AP4E1: variants seen among roughly 807,000 people sequenced by gnomAD.
AP4E1 encodes AP-4 complex subunit epsilon-1.
Under a neutral mutation model 128.2 loss-of-function variants are expected in AP4E1, and 56 were observed. The observed-to-expected ratio is 0.44, with a 90% CI of 0.35 to 0.55. The LOEUF (loss-of-function observed/expected upper bound fraction) is 0.55, where lower values mean the gene tolerates loss of function less well. AP4E1 is among the 20% of genes least tolerant of loss of function. AP4E1 has a pLI of 0.00. For missense variants in AP4E1, 1,324 were observed against 1,307.7 expected (o/e 1.01, Z -0.19); for synonymous variants, 484 against 473.1 (o/e 1.02, Z -0.30).
chr15:50,911,125 A>G (rs960320796), intron 1 of AP4E1, among the ~76,000 whole-genome samples: 3 of 152,244 alleles, frequency 2.0e-5, no homozygotes, highest in Admixed American at 2.0e-4. Flanking sequence ...GTGGCTTTTG[A>G]ATAGCCATCT....
At chr15:50,908,318 C>A (rs1347699967), upstream of AP4E1, among the ~76,000 whole-genome samples, 1 of 152,144 alleles carries the variant, frequency 6.6e-6, no homozygotes, top group Non-Finnish European at 1.5e-5. Flanking sequence ...GTGGCGCGCG[C>A]TCCGGGGACA....
intron 6 of AP4E1, among the ~76,000 whole-genome samples, chr15:50,930,213 A>G (rs1164818699): frequency 1.4e-5 from 2 of 138,432 alleles, no homozygotes; most frequent in African/African-American, 2.7e-5. Context: ...GATTACAGGC[A>G]TGTGCCACCA....
At chr15:50,910,277 C>A (rs986868237) in intron 1 of AP4E1, among the ~76,000 whole-genome samples, 1 of 152,216 alleles carries the variant, frequency 6.6e-6, no homozygotes, top group Admixed American at 6.5e-5. Context: ...GCCACCGCGC[C>A]GGGCCCCCAC....
At position 50,958,701 on chromosome 15, in the gene AP4E1, G is replaced by A; in HGVS notation, c.1758G>A (p.Met586Ile). The A allele has an allele frequency of 1.2e-6, 2 of 1,614,104 alleles. No individual in the cohort carries two copies. Among genetic ancestry groups the A allele is most frequent in the Non-Finnish European group, 1.7e-6 (2 of 1,179,992 alleles). ...HEFTISLDTC[M>I]RQHAFELKHL... is the part of the protein sequence containing the mutation. Reference sequence around the variant, plus strand: ...TTACCATATCTTTGGATACTTGTATGAGACAACATGCATTTGAATTAAAAC... The same window carrying A: ...TTACCATATCTTTGGATACTTGTATAAGACAACATGCATTTGAATTAAAAC... Residue 586 changes from methionine to isoleucine, a missense_variant, in exon 14 of 21, where the codon ATG becomes ATA. Coordinates refer to ENST00000261842, the MANE Select transcript of AP4E1 (RefSeq NM_007347.5).
At chr15:50,991,151 C>T (rs2140925470) in intron 16 of AP4E1, among the ~76,000 whole-genome samples, 1 of 152,248 alleles carries the variant, frequency 6.6e-6, no homozygotes, top group South Asian at 2.1e-4. Context: ...TGAAGTAGCC[C>T]TCTGCAGCTC....
intron 2 of AP4E1, among the ~76,000 whole-genome samples, chr15:50,914,510 G>T (rs1004195412): frequency 6.6e-6 from 1 of 151,978 alleles, no homozygotes; most frequent in Non-Finnish European, 1.5e-5. Context: ...AATTAGATGG[G>T]CGTGGTGGCG....
At chr15:50,944,677 T>G (rs1224257593) in intron 10 of AP4E1, 3 of 431,598 alleles carry the variant, frequency 7.0e-6, no homozygotes, top group East Asian at 8.1e-5. Flanking sequence ...ATGAAGATAC[T>G]GAGCCAGAAT....
intron 5 of AP4E1, among the ~76,000 whole-genome samples, chr15:50,925,570 G>A (rs147056958): frequency 1.3e-4 from 20 of 151,348 alleles, no homozygotes; most frequent in African/African-American, 4.9e-4. Flanking sequence ...GTGAAATAAT[G>A]AAAAACATAT....
In AP4E1 at chr15:50,968,328, T is replaced by A; in HGVS notation, c.1917T>A (p.Pro639=). 6.2e-7 allele frequency: 1 copy of A among 1,613,698 alleles called. No homozygotes were observed. Among genetic ancestry groups the A allele is most frequent in the Non-Finnish European group, 8.5e-7 (1 of 1,179,790 alleles). Residue 639 remains proline, a synonymous_variant, in exon 15 of 21, where the codon CCT becomes CCA. Coordinates refer to ENST00000261842, the MANE Select transcript of AP4E1 (RefSeq NM_007347.5). The part of the protein sequence containing the change: ...VAEGLSQGAA[P]YKPPHQRQEE... Reference sequence around the variant, plus strand: ...AAGGACTCAGTCAGGGTGCAGCGCCTTACAAACCTCCCCATCAACGCCAGG... The same window carrying A: ...AAGGACTCAGTCAGGGTGCAGCGCCATACAAACCTCCCCATCAACGCCAGG...
At chr15:50,960,955 A>C (rs1448467219) in intron 14 of AP4E1, among the ~76,000 whole-genome samples, 2 of 152,096 alleles carry the variant, frequency 1.3e-5, no homozygotes, top group Admixed American at 6.5e-5. Context: ...TATAATGGCT[A>C]CCATAGAAAT....
In AP4E1 at chr15:50,925,278, G is replaced by A. The variant is rs2306332; in HGVS notation, c.542+59G>A. 0.61 allele frequency: 950,248 copies of A among 1,556,510 alleles called. 292,460 individuals are homozygous for A. Among genetic ancestry groups the A allele is most frequent in the Non-Finnish European group, 0.63 (710,339 of 1,134,502 alleles). ...CATATATTTCAAAACAGAAGTTTAT[G>A]CTAGAAAATTTATTACAACTTCAGT... On this transcript the variant is annotated intron_variant, in intron 5 of 20. Coordinates refer to ENST00000261842, the MANE Select transcript of AP4E1 (RefSeq NM_007347.5).
At chr15:50,926,795 T>A (rs1268826171) in intron 5 of AP4E1, among the ~76,000 whole-genome samples, 1 of 152,030 alleles carries the variant, frequency 6.6e-6, no homozygotes, top group Non-Finnish European at 1.5e-5. Flanking sequence ...TTTCACCATA[T>A]AGGCCAAGCT....
intron 10 of AP4E1, chr15:50,945,069 A>G: frequency 2.6e-6 from 2 of 781,766 alleles, no homozygotes; most frequent in South Asian, 2.7e-5. Flanking sequence ...GAAACAATGG[A>G]AAATGGATGG....
intron 16 of AP4E1, 36 bp downstream of exon 16, chr15:50,984,181 A>G (rs1371996704): frequency 4.3e-6 from 7 of 1,610,544 alleles, no homozygotes; most frequent in Non-Finnish European, 5.9e-6. Context: ...AGGTTATGGG[A>G]GTGCTTAAAT....
At chr15:50,993,099 G>A (rs2064825171) in intron 16 of AP4E1, among the ~76,000 whole-genome samples, 1 of 152,196 alleles carries the variant, frequency 6.6e-6, no homozygotes. Flanking sequence ...TATAACTTAA[G>A]CAGTTAAGTG....
chr15:50,907,725 G>A (rs1422002324), upstream of AP4E1, among the ~76,000 whole-genome samples: 1 of 152,116 alleles, frequency 6.6e-6, no homozygotes, highest in Non-Finnish European at 1.5e-5. Context: ...AACAGAATGA[G>A]GGTAAAAACG....
chr15:50,912,909 C>A (rs1475205761), intron 2 of AP4E1, among the ~76,000 whole-genome samples: 1 of 152,088 alleles, frequency 6.6e-6, no homozygotes, highest in Non-Finnish European at 1.5e-5. Context: ...AGCGATCCAC[C>A]CACCTCAGCC....
chr15:50,976,591 G>A (rs1260956186), intron 15 of AP4E1, among the ~76,000 whole-genome samples: 1 of 152,166 alleles, frequency 6.6e-6, no homozygotes, highest in African/African-American at 2.4e-5. Context: ...GTTCCTCTTT[G>A]CAGATAATAT....
At chr15:50,955,121 T>C (rs2064200479) in intron 13 of AP4E1, among the ~76,000 whole-genome samples, 1 of 152,210 alleles carries the variant, frequency 6.6e-6, no homozygotes, top group Non-Finnish European at 1.5e-5. Context: ...GTTCCAAGTC[T>C]TTGCTATTGT....
Sources: gnomAD v4.1 joint callset for allele counts (sites outside exome capture counted in the v4.1 genomes callset) on GRCh38, gnomAD v4.1.1 for gene constraint, MANE v1.5 for transcripts, NCBI Gene and HGNC (gene_info 2026-07-23, HGNC 2026-07-21) for gene names.